The following RUSF1 variants were observed in gnomAD, a reference collection of about 807,000 sequenced individuals.
RUSF1 encodes RUS family member 1.
In RUSF1, 58 loss-of-function variants were observed where a neutral mutation model predicts 63.0. The ratio of observed to expected loss-of-function variants is 0.92; its 90% CI spans 0.75 to 1.15. The LOEUF (loss-of-function observed/expected upper bound fraction) is 1.15, where lower values mean the gene tolerates loss of function less well. Among genes scored for constraint, RUSF1 ranks in the 50% most tolerant of loss-of-function variants. RUSF1 has a pLI of 0.00. For missense variants in RUSF1, 652 were observed against 611.0 expected, an observed-to-expected ratio of 1.07 and a Z score of -0.71; for synonymous variants, 274 against 255.8, an observed-to-expected ratio of 1.07 and a Z score of -0.68.
intron 3 of RUSF1, among the ~76,000 whole-genome samples, chr16:31,499,910 T>A (rs1402783315): frequency 7.2e-5 from 11 of 151,990 alleles, no homozygotes; most frequent in Admixed American, 7.2e-4. Context: ...CTAGTAAACA[T>A]CACATTGAGT....
rs769762205 is a variant in RUSF1, at chr16:31,496,925, G to A, written c.626C>T (p.Ala209Val). 1.2e-6 allele frequency: 2 copies of A among 1,608,974 alleles called. No homozygotes were observed. Among genetic ancestry groups the A allele is most frequent in the Admixed American group, 1.7e-5 (1 of 59,514 alleles). Reference sequence around the variant, plus strand: ...GTGCACGGTCAGGGCAGCCCGAGTGGCCCCACCAGCAACACTCACGATGCA... The same window carrying A: ...GTGCACGGTCAGGGCAGCCCGAGTGACCCCACCAGCAACACTCACGATGCA... ...AKCIVSVAGG[A>V]TRAALTVHQA... The change falls in exon 6 of 13, where the codon GCC (alanine) becomes GTC (valine). Residue 209 changes from alanine (A) to valine (V), a missense_variant. By Grantham distance (64) the Ala-to-Val change is moderately conservative. Coordinates refer to ENST00000327237, the MANE Select transcript of RUSF1 (RefSeq NM_022744.4).
At chr16:31,507,922 T>C (rs961377112) in intron 1 of RUSF1, 44 bp from the exon 2 acceptor site, 3 of 1,545,820 alleles carry the variant, frequency 1.9e-6, no homozygotes, top group East Asian at 2.4e-5. Context: ...CGTAGGAGCG[T>C]GGCGGTCTAA....
rs200532493 is a variant in RUSF1 at position 31,492,298 on chromosome 16, G to A, written c.1130C>T (p.Thr377Ile). Residue 377 changes from threonine (T) to isoleucine (I), a missense_variant, in exon 11 of 13, where the codon ACC (threonine) becomes ATC (isoleucine). Coordinates refer to ENST00000327237, the MANE Select transcript of RUSF1 (RefSeq NM_022744.4). ...VVLNQKAGPKTILRAATHGLM... is the reference protein window; with the variant it reads ...VVLNQKAGPKIILRAATHGLM... ...CCCATGTGTGGCGGCCCTTAGGATG[G>A]TCTTGGGGCCTGCCTTCTGGTTCAG... 3.4e-5 allele frequency: 54 copies of A among 1,604,352 alleles called. No individual in the cohort carries two copies. The South Asian group carries it at 4.2e-4, about 13-fold the overall frequency.
At position 31,507,800 on chromosome 16, in the gene RUSF1, T is replaced by G. The variant is rs775457472; in HGVS notation, c.379A>C (p.Thr127Pro). The G allele has an allele frequency of 1.3e-6, 2 of 1,576,146 alleles. No homozygotes were observed. The highest frequency in any genetic ancestry group is 1.7e-6 in the Non-Finnish European group (2 of 1,160,490). Residue 127 changes from threonine to proline, a missense_variant, in exon 2 of 13, where the codon ACT becomes CCT. Transcript: ENST00000327237. ...LGIGVGNAKA[T>P]VSAATATWLV... ...CAGGTGGCCGTGGCAGCTGAAACAG[T>G]GGCTTTTGCGTTCCCCACCCCTATG...
intron 2 of RUSF1, among the ~76,000 whole-genome samples, chr16:31,507,538 A>G (rs1358243484): frequency 1.3e-5 from 2 of 152,216 alleles, no homozygotes; most frequent in African/African-American, 4.8e-5. Flanking sequence ...ATTGAGACTC[A>G]GAAGTCTGTG....
intron 2 of RUSF1, among the ~76,000 whole-genome samples, chr16:31,501,597 A>G (rs1258519952): frequency 7.4e-6 from 1 of 135,242 alleles, no homozygotes; most frequent in African/African-American, 3.0e-5. Context: ...CAGTCTCAGG[A>G]AAAAAAAAAA....
Position 31,490,138 on chromosome 16 carries a change from A to C in RUSF1, c.*697T>G. On this transcript the variant is annotated 3_prime_UTR_variant, in exon 13 of 13. Transcript: ENST00000327237. ...CTGGTCTTCAGTCTCCGGCATAGCA[A>C]GGAGGAACGGGAGGACCTGGATGCT... The C allele has an allele frequency of 6.2e-7, 1 of 1,614,118 alleles. No individual in the cohort carries two copies. The highest frequency in any genetic ancestry group is 1.1e-5 in the South Asian group (1 of 91,080).
intron 6 of RUSF1, among the ~76,000 whole-genome samples, chr16:31,495,799 G>A (rs1019438416): frequency 1.3e-5 from 2 of 152,132 alleles, no homozygotes; most frequent in African/African-American, 2.4e-5. Context: ...CTGTACTAAG[G>A]CAACCATGAG....
chr16:31,497,148 T>C (rs897854428), intron 5 of RUSF1, among the ~76,000 whole-genome samples, 198 bp from the exon 6 acceptor site: 2 of 152,152 alleles, frequency 1.3e-5, no homozygotes, highest in Admixed American at 6.5e-5. Flanking sequence ...CACTATCACC[T>C]TGGGGACTGG....
In RUSF1 at chr16:31,489,973, A is replaced by T. The variant is rs1344962746; in HGVS notation, c.*862T>A. The T allele has an allele frequency of 8.0e-7, 1 of 1,246,846 alleles. No homozygotes were observed. The highest frequency in any genetic ancestry group is 1.1e-6 in the Non-Finnish European group (1 of 871,436). 77.2% of individuals were successfully genotyped at this position (1,246,846 alleles called of 1,614,324 possible). On this transcript the variant is annotated 3_prime_UTR_variant, in exon 13 of 13. Coordinates refer to ENST00000327237, the MANE Select transcript of RUSF1 (RefSeq NM_022744.4). ...TGTAGGGTGGAGTTGGCATGAGTTA[A>T]GCCTGGGCTGGGTGTGTAGACTGGA... is the stretch of plus-strand genomic sequence containing the variant.
intron 10 of RUSF1, 100 bp downstream of exon 10, chr16:31,492,878 G>A (rs2082579814): frequency 3.3e-6 from 4 of 1,196,842 alleles, no homozygotes; most frequent in African/African-American, 1.5e-5. Context: ...CCCAGAACAG[G>A]CAGCCTCCAA....
At chr16:31,492,920 G>A (rs2082580071) in intron 10 of RUSF1, 58 bp downstream of exon 10, 2 of 1,532,076 alleles carry the variant, frequency 1.3e-6, no homozygotes, top group African/African-American at 1.4e-5. Context: ...TAGGTTGGAG[G>A]AATGAGAGGC....
rs2082547102 is a variant in RUSF1 at position 31,489,998 on chromosome 16, A to G, written c.*837T>C. The G allele has an allele frequency of 4.8e-6, 7 of 1,473,066 alleles. No homozygotes were observed. Among genetic ancestry groups the G allele is most frequent in the Non-Finnish European group, 6.5e-6 (7 of 1,069,182 alleles). 91.2% of individuals were successfully genotyped at this position (1,473,066 alleles called of 1,614,324 possible). A position where few individuals can be genotyped will look rare whatever the true frequency, so the allele number is the denominator to read the frequency against. ...AGCCTGGGCTGGGTGTGTAGACTGG[A>G]CAGAGGTGGGTAGGGCAGGCAGTGA... On this transcript the variant is annotated 3_prime_UTR_variant, in exon 13 of 13. Coordinates refer to ENST00000327237, the MANE Select transcript of RUSF1 (RefSeq NM_022744.4).
intron 3 of RUSF1, 72 bp from the exon 4 acceptor site, chr16:31,499,597 T>G (rs1163702541): frequency 4.9e-6 from 7 of 1,430,912 alleles, no homozygotes; most frequent in Non-Finnish European, 6.6e-6. Context: ...GTGGGGAGTC[T>G]TGGACCACAG....
intron 9 of RUSF1, 101 bp from the exon 10 acceptor site, chr16:31,493,149 C>T (rs2082582379): frequency 1.6e-6 from 2 of 1,256,996 alleles, no homozygotes; most frequent in Non-Finnish European, 2.3e-6. Context: ...ATGATCCAGG[C>T]TTCACTCAGG....
intron 6 of RUSF1, among the ~76,000 whole-genome samples, chr16:31,494,230 T>C (rs962769101): frequency 4.6e-5 from 7 of 151,804 alleles, no homozygotes; most frequent in African/African-American, 1.7e-4. Context: ...ACAAAAAAAT[T>C]AAAAATTTGG....
At position 31,489,642 on chromosome 16, in the gene RUSF1, AC is replaced by A; in HGVS notation, c.*1192del. 1.9e-6 allele frequency: 1 copy of A among 532,562 alleles called. No homozygotes were observed. The highest frequency in any genetic ancestry group is 3.4e-6 in the Non-Finnish European group (1 of 294,724). 33.0% of individuals were successfully genotyped at this position (532,562 alleles called of 1,614,324 possible). A position where few individuals can be genotyped will look rare whatever the true frequency, so the allele number is the denominator to read the frequency against. Reference sequence around the variant, plus strand: ...GGGCACAATACCATCTTGAACGCCCACAAAAAGGTTTGGTTTTGTTGCCAAA... The same window carrying A: ...GGGCACAATACCATCTTGAACGCCCAAAAAAGGTTTGGTTTTGTTGCCAAA... On this transcript the variant is annotated 3_prime_UTR_variant, in exon 13 of 13. Coordinates refer to ENST00000327237, the MANE Select transcript of RUSF1 (RefSeq NM_022744.4).
In RUSF1 at chr16:31,489,892, G is replaced by A. The variant is rs564291548; in HGVS notation, c.*943C>T. 5.7e-5 allele frequency: 35 copies of A among 619,320 alleles called. No individual in the cohort carries two copies. The highest frequency in any genetic ancestry group is 8.3e-5 in the Non-Finnish European group (29 of 347,720). The allele number at this position is 619,320 out of a possible 1,614,324, so 38.4% of individuals were successfully genotyped here. A position where few individuals can be genotyped will look rare whatever the true frequency, so the allele number is the denominator to read the frequency against. ...ACAAAGCTGGGGGAGCAAGGCCAACGGCTTTAAACACAAGCTCAGGGGCTT... is the reference window on the plus strand; with the variant it reads ...ACAAAGCTGGGGGAGCAAGGCCAACAGCTTTAAACACAAGCTCAGGGGCTT... On this transcript the variant is annotated 3_prime_UTR_variant, in exon 13 of 13. Coordinates refer to ENST00000327237, the MANE Select transcript of RUSF1 (RefSeq NM_022744.4).
intron 5 of RUSF1, among the ~76,000 whole-genome samples, chr16:31,497,436 G>T (rs1400209263): frequency 6.6e-6 from 1 of 152,120 alleles, no homozygotes; most frequent in Non-Finnish European, 1.5e-5. Flanking sequence ...TAATCAAGGA[G>T]GGTCACTGGT....
Sources: allele counts gnomAD v4.1 joint callset (sites outside exome capture counted in the v4.1 genomes callset), GRCh38; gene constraint gnomAD v4.1.1; transcripts MANE v1.5; gene names NCBI Gene and HGNC (gene_info 2026-07-23, HGNC 2026-07-21).